TCF4: variants seen among roughly 807,000 people sequenced by gnomAD.
TCF4 encodes transcription factor 4, also known as SL3-3 enhancer factor 2.
In TCF4, 3 loss-of-function variants were observed where a neutral mutation model predicts 82.1. The observed-to-expected ratio is 0.04, with a 90% CI of 0.02 to 0.09. TCF4 has a LOEUF of 0.09. Ranked by LOEUF, TCF4 falls within the 10% of genes least tolerant of loss-of-function variation. TCF4 has a pLI of 1.00. For missense variants in TCF4, 518 were observed against 852.7 expected, an observed-to-expected ratio of 0.61 and a Z score of 4.89; for synonymous variants, 276 against 309.6, an observed-to-expected ratio of 0.89 and a Z score of 1.14.
intron 5 of TCF4, among the ~76,000 whole-genome samples, chr18:55,440,760 G>A (rs1301378883): frequency 6.6e-6 from 1 of 152,098 alleles, no homozygotes; most frequent in African/African-American, 2.4e-5. Context: ...GATGTCAACT[G>A]TGCCTCTTTC....
chr18:55,451,451 AAG>A (rs1245887739), intron 5 of TCF4, among the ~76,000 whole-genome samples: 1 of 152,228 alleles, frequency 6.6e-6, no homozygotes, highest in Non-Finnish European at 1.5e-5. Context: ...GTGAAAAGCC[AAG>A]AATTATGCTG....
At chr18:55,586,814 G>C in intron 2 of TCF4, 1 of 489,766 alleles carries the variant, frequency 2.0e-6, no homozygotes, top group East Asian at 3.7e-5. Flanking sequence ...TCAGTGGGTA[G>C]GGAATTGAAG....
chr18:55,252,495 C>A (rs1246493651), intron 15 of TCF4, among the ~76,000 whole-genome samples: 2 of 151,982 alleles, frequency 1.3e-5, no homozygotes, highest in Non-Finnish European at 2.9e-5. Context: ...GTCCAACTTC[C>A]CATCTCCAAA....
chr18:55,402,959 A>T (rs2146477171), intron 6 of TCF4, among the ~76,000 whole-genome samples: 1 of 152,324 alleles, frequency 6.6e-6, no homozygotes, highest in Non-Finnish European at 1.5e-5. Flanking sequence ...ATTCAGAAAC[A>T]AAAAGGGACA....
At chr18:55,286,839 A>G (rs1200830365) in intron 8 of TCF4, among the ~76,000 whole-genome samples, 1 of 152,228 alleles carries the variant, frequency 6.6e-6, no homozygotes, top group Non-Finnish European at 1.5e-5. Context: ...CCATTATCAC[A>G]TAAATAGGAA....
intron 5 of TCF4, among the ~76,000 whole-genome samples, chr18:55,457,971 A>G (rs2095798594): frequency 6.6e-6 from 1 of 152,206 alleles, no homozygotes; most frequent in South Asian, 2.1e-4. Flanking sequence ...TACATAATTA[A>G]TGATAATCCA....
chr18:55,362,019 C>A (rs2085322305), intron 6 of TCF4, among the ~76,000 whole-genome samples: 2 of 152,154 alleles, frequency 1.3e-5, no homozygotes, highest in South Asian at 4.1e-4. Context: ...CACACTGTTC[C>A]TGGAAATCTC....
At chr18:55,396,857 T>C (rs2093525877) in intron 6 of TCF4, among the ~76,000 whole-genome samples, 1 of 152,142 alleles carries the variant, frequency 6.6e-6, no homozygotes, top group African/African-American at 2.4e-5. Context: ...TTATATAAAA[T>C]ATGAAACATG....
intron 8 of TCF4, among the ~76,000 whole-genome samples, chr18:55,294,759 G>C (rs144370909): frequency 0.022 from 3,348 of 152,220 alleles, 62 homozygotes; most frequent in Non-Finnish European, 0.035. Context: ...CTACACCTCA[G>C]TTTCTGCATC....
At chr18:55,588,722 A>G, upstream of TCF4, 2 of 1,290,624 alleles carry the variant, frequency 1.5e-6, no homozygotes, top group Non-Finnish European at 2.0e-6. Context: ...CTATAAATCA[A>G]GCCACATTTT....
upstream of TCF4, chr18:55,591,251 C>T (rs1329163947): frequency 6.6e-6 from 1 of 152,202 alleles, no homozygotes; most frequent in Non-Finnish European, 1.5e-5. Flanking sequence ...TTAGACATTA[C>T]TTTTTGCTGC....
rs1261122 is a variant in TCF4, at chr18:55,286,526, T to C, written c.550-6870A>G. Among the ~76,000 whole-genome samples the C allele has an allele frequency of 4.1e-3, 626 of 152,334 alleles. 6 individuals are homozygous for C. Among genetic ancestry groups the C allele is most frequent in the African/African-American group, 0.014 (600 of 41,586 alleles). ...TCTTAGCATTCTCCTTCCTAAAGTC[T>C]TTCCTAAGTAGCTAACTTAAAGATT... On this transcript the variant is annotated intron_variant, in intron 8 of 19. Coordinates refer to ENST00000354452, the MANE Select transcript of TCF4 (RefSeq NM_001083962.2).
intron 8 of TCF4, among the ~76,000 whole-genome samples, chr18:55,288,375 T>C (rs888305951): frequency 6.6e-6 from 1 of 152,224 alleles, no homozygotes; most frequent in Non-Finnish European, 1.5e-5. Context: ...TATTGTTGCA[T>C]GATCATCCCA....
intron 8 of TCF4, among the ~76,000 whole-genome samples, chr18:55,299,254 T>A (rs1041776938): frequency 4.0e-5 from 6 of 151,844 alleles, no homozygotes; most frequent in Admixed American, 2.0e-4. Context: ...CTACTAAAAA[T>A]ACAAAAAATT....
intron 3 of TCF4, among the ~76,000 whole-genome samples, chr18:55,488,562 TG>T (rs2076981651): frequency 6.6e-6 from 1 of 151,182 alleles, no homozygotes. Flanking sequence ...CAACTTAAGC[TG>T]CAGCTCTGTC....
intron 3 of TCF4, among the ~76,000 whole-genome samples, chr18:55,500,789 A>G (rs2096689664): frequency 6.6e-6 from 1 of 152,226 alleles, no homozygotes; most frequent in African/African-American, 2.4e-5. Flanking sequence ...CATTAAAGTG[A>G]AAATGAAATG....
At chr18:55,228,438 G>C (rs2046953871) in intron 18 of TCF4, 77 bp from the exon 19 acceptor site, 1 of 1,574,748 alleles carries the variant, frequency 6.4e-7, no homozygotes, top group Non-Finnish European at 8.7e-7. Flanking sequence ...CTCTTCTTGC[G>C]TGTCTGACCT....
At chr18:55,452,619 C>T (rs1315588555) in intron 5 of TCF4, 1 of 152,566 alleles carries the variant, frequency 6.6e-6, no homozygotes, top group Non-Finnish European at 1.5e-5. Context: ...GTGGCTGGAG[C>T]TACAGGCCTG....
chr18:55,629,189 C>T (rs1286242609), intron 2 of TCF4, among the ~76,000 whole-genome samples: 2 of 152,108 alleles, frequency 1.3e-5, no homozygotes, highest in African/African-American at 4.8e-5. Context: ...AAATTCATGA[C>T]AAGGCCTGTT....
Sources: gnomAD v4.1 joint callset for allele counts (sites outside exome capture counted in the v4.1 genomes callset) on GRCh38, gnomAD v4.1.1 for gene constraint, MANE v1.5 for transcripts, NCBI Gene and HGNC (gene_info 2026-07-23, HGNC 2026-07-21) for gene names.